The following NDE1 variants were observed in gnomAD, a reference collection of about 807,000 sequenced individuals.
NDE1 encodes nudE neurodevelopment protein 1.
In NDE1, 28 loss-of-function variants were observed where a neutral mutation model predicts 43.4. The observed-to-expected ratio is 0.65, with a 90% CI of 0.48 to 0.89. The LOEUF (loss-of-function observed/expected upper bound fraction) is 0.89, where lower values mean the gene tolerates loss of function less well. Ranked by LOEUF, NDE1 falls within the 40% of genes least tolerant of loss-of-function variation. The pLI is 0.00. For missense variants in NDE1, 441 were observed against 434.1 expected (o/e 1.02, Z -0.14); for synonymous variants, 184 against 172.0 (o/e 1.07, Z -0.55).
chr16:15,650,024 C>A (rs1210058354), upstream of NDE1, among the ~76,000 whole-genome samples: 1 of 152,236 alleles, frequency 6.6e-6, no homozygotes, highest in Admixed American at 6.5e-5. Context: ...CGCCGCAGCC[C>A]AGCGCCCGGC....
intron 5 of NDE1, among the ~76,000 whole-genome samples, chr16:15,689,411 G>A (rs1005148067): frequency 2.6e-5 from 4 of 152,166 alleles, no homozygotes; most frequent in African/African-American, 7.2e-5. Context: ...AGGATGACTT[G>A]AGCCCAGGAG....
intron 1 of NDE1, chr16:15,651,933 G>C (rs778166086): frequency 6.6e-6 from 1 of 151,526 alleles, no homozygotes; most frequent in East Asian, 2.0e-4. Flanking sequence ...ATTTTGAGAC[G>C]GAGTCTTGTT....
At chr16:15,684,909 ACT>A (rs1301831165) in intron 4 of NDE1, among the ~76,000 whole-genome samples, 7 of 152,094 alleles carry the variant, frequency 4.6e-5, no homozygotes, top group African/African-American at 9.7e-5. Flanking sequence ...GTGCGTTCTG[ACT>A]CTCTGGTAGA....
intron 8 of NDE1, among the ~76,000 whole-genome samples, chr16:15,709,914 T>G (rs1325102399): frequency 3.3e-5 from 5 of 152,028 alleles, no homozygotes; most frequent in Admixed American, 6.6e-5. Flanking sequence ...GGTAGGTAAG[T>G]GGGTCTGGCT....
intron 1 of NDE1, among the ~76,000 whole-genome samples, chr16:15,653,492 T>C (rs1255745818): frequency 1.3e-5 from 2 of 152,054 alleles, no homozygotes; most frequent in Admixed American, 6.6e-5. Flanking sequence ...TTTGTTTTGA[T>C]TGGGAAGGAT....
intron 8 of NDE1, among the ~76,000 whole-genome samples, chr16:15,698,102 C>CT (rs368262507): frequency 7.2e-5 from 11 of 152,074 alleles, no homozygotes; most frequent in African/African-American, 2.7e-4. Context: ...GCAACCAGCC[C>CT]TTTTTTTTCT....
chr16:15,703,440 C>T (rs1430847511), intron 8 of NDE1: 3 of 238,874 alleles, frequency 1.3e-5, no homozygotes, highest in Non-Finnish European at 2.5e-5. Flanking sequence ...TGCCAGGGAC[C>T]GGTTACCGTG....
intron 7 of NDE1, chr16:15,694,509 C>G (rs1258510850): frequency 2.5e-6 from 3 of 1,201,124 alleles, no homozygotes; most frequent in Non-Finnish European, 3.4e-6. Flanking sequence ...CTATGCCTGG[C>G]TGATACTTTC....
At chr16:15,700,990 C>T (rs1204685611) in intron 8 of NDE1, among the ~76,000 whole-genome samples, 2 of 152,088 alleles carry the variant, frequency 1.3e-5, no homozygotes, top group Non-Finnish European at 2.9e-5. Context: ...AATCCTAAGA[C>T]TTTGGAAGGC....
chr16:15,677,658 A>G, intron 3 of NDE1, 143 bp from the exon 4 acceptor site: 3 of 801,940 alleles, frequency 3.7e-6, no homozygotes, highest in South Asian at 2.9e-5. Context: ...GTCATAGCTC[A>G]CTGCAGCCTC....
At chr16:15,723,649 A>G (rs2040599082) in intron 8 of NDE1, among the ~76,000 whole-genome samples, 1 of 152,142 alleles carries the variant, frequency 6.6e-6, no homozygotes, top group Non-Finnish European at 1.5e-5. Flanking sequence ...CTGTCTCAAA[A>G]TAAGTATCTG....
chr16:15,646,736 A>C (rs1367779035), upstream of NDE1, among the ~76,000 whole-genome samples: 1 of 151,380 alleles, frequency 6.6e-6, no homozygotes, highest in African/African-American at 2.4e-5. Context: ...ATCTTAATGA[A>C]TAAGTAAATA....
intron 3 of NDE1, among the ~76,000 whole-genome samples, chr16:15,672,205 C>T (rs1232198479): frequency 1.3e-5 from 2 of 151,900 alleles, no homozygotes; most frequent in Admixed American, 6.6e-5. Flanking sequence ...GAGACCGAGG[C>T]GGGCGGATCA....
At chr16:15,653,648 G>A (rs1394607519) in intron 1 of NDE1, among the ~76,000 whole-genome samples, 1 of 151,584 alleles carries the variant, frequency 6.6e-6, no homozygotes, top group Non-Finnish European at 1.5e-5. Flanking sequence ...AAAATCAGAG[G>A]TGTGTGTCTC....
At chr16:15,682,294 G>A (rs1195933403) in intron 4 of NDE1, among the ~76,000 whole-genome samples, 1 of 152,112 alleles carries the variant, frequency 6.6e-6, no homozygotes, top group African/African-American at 2.4e-5. Flanking sequence ...CTACAGTCAT[G>A]TGCCACCATG....
At chr16:15,658,861 T>C in intron 1 of NDE1, among the ~76,000 whole-genome samples, 1 of 152,108 alleles carries the variant, frequency 6.6e-6, no homozygotes, top group African/African-American at 2.4e-5. Flanking sequence ...TTTACCATGT[T>C]GGCCAAGCTT....
At chr16:15,643,677 G>A (rs1322614105) in exon 1 of NDE1, 1 of 232,904 alleles carries the variant, frequency 4.3e-6, no homozygotes, top group Non-Finnish European at 8.5e-6. Flanking sequence ...CAACCTAGTG[G>A]CAAGTGGAGA....
At chr16:15,657,211 C>T (rs977924810) in intron 1 of NDE1, among the ~76,000 whole-genome samples, 11 of 151,776 alleles carry the variant, frequency 7.2e-5, no homozygotes, top group African/African-American at 2.7e-4. Flanking sequence ...GATTTTCCTG[C>T]CTCAGTCTTC....
intron 8 of NDE1, among the ~76,000 whole-genome samples, chr16:15,716,136 C>A (rs1481491372): frequency 1.3e-5 from 2 of 151,890 alleles, no homozygotes; most frequent in Non-Finnish European, 2.9e-5. Flanking sequence ...GCTATGCTGC[C>A]CAGACTGGTC....
Sources: allele counts gnomAD v4.1 joint callset (sites outside exome capture counted in the v4.1 genomes callset), GRCh38; gene constraint gnomAD v4.1.1; transcripts MANE v1.5; gene names NCBI Gene and HGNC (gene_info 2026-07-23, HGNC 2026-07-21).